GABBR2: variants seen among roughly 807,000 people sequenced by gnomAD.
The protein encoded by GABBR2 is G-protein coupled receptor 51.
Under a neutral mutation model 105.6 loss-of-function variants are expected in GABBR2, and 23 were observed. The observed-to-expected ratio is 0.22, with a 90% CI of 0.16 to 0.31. GABBR2 has a LOEUF of 0.31. Ranked by LOEUF, GABBR2 falls within the 10% of genes least tolerant of loss-of-function variation. GABBR2 has a pLI of 1.00. For missense variants in GABBR2, 734 were observed against 1,245.5 expected (o/e 0.59, Z 6.18); for synonymous variants, 478 against 499.7 (o/e 0.96, Z 0.58).
intron 6 of GABBR2, among the ~76,000 whole-genome samples, chr9:98,462,504 A>G (rs1158267066): frequency 1.3e-5 from 2 of 152,366 alleles, no homozygotes; most frequent in South Asian, 4.1e-4. Context: ...TGAATGGGCA[A>G]TTCACAAAAA....
chr9:98,591,176 G>A (rs75846681), intron 1 of GABBR2, among the ~76,000 whole-genome samples: 1,773 of 152,292 alleles, frequency 0.012, 18 homozygotes, highest in Non-Finnish European at 0.017. Context: ...TGGAGGAGGC[G>A]GCATTTGAGC....
At chr9:98,614,911 G>C (rs1185730158) in intron 1 of GABBR2, among the ~76,000 whole-genome samples, 4 of 152,132 alleles carry the variant, frequency 2.6e-5, no homozygotes, top group African/African-American at 4.8e-5. Context: ...TGATGCTATT[G>C]CCCAGAAACA....
chr9:98,508,078 C>T (rs752257855), intron 3 of GABBR2, among the ~76,000 whole-genome samples: 2 of 152,176 alleles, frequency 1.3e-5, no homozygotes, highest in African/African-American at 2.4e-5. Flanking sequence ...TTGTTCCAGA[C>T]TCGAGGGACC....
chr9:98,592,176 T>C (rs572055755), intron 1 of GABBR2, among the ~76,000 whole-genome samples: 2 of 152,280 alleles, frequency 1.3e-5, no homozygotes, highest in East Asian at 3.9e-4. Flanking sequence ...GAGACAGGCA[T>C]GGCCCCACCC....
chr9:98,647,168 C>G (rs79480445), intron 1 of GABBR2, among the ~76,000 whole-genome samples: 4,209 of 152,330 alleles, frequency 0.028, 64 homozygotes, highest in African/African-American at 0.034. Flanking sequence ...GGCACAGTCC[C>G]TGTGCTATAG....
At chr9:98,452,432 T>C (rs1826248485) in intron 7 of GABBR2, among the ~76,000 whole-genome samples, 1 of 152,238 alleles carries the variant, frequency 6.6e-6, no homozygotes, top group African/African-American at 2.4e-5. Flanking sequence ...AATTAAGAGC[T>C]AGACCAAAGT....
At chr9:98,303,194 G>C in intron 16 of GABBR2, 47 bp downstream of exon 16, 1 of 1,515,350 alleles carries the variant, frequency 6.6e-7, no homozygotes, top group African/African-American at 1.4e-5. Flanking sequence ...GGTTAGAGGG[G>C]CTTCAGTGGC....
chr9:98,512,537 G>C (rs1205182028), intron 3 of GABBR2, among the ~76,000 whole-genome samples: 2 of 152,158 alleles, frequency 1.3e-5, no homozygotes, highest in East Asian at 1.9e-4. Flanking sequence ...ATCTCAAGCT[G>C]ATCAGCAACT....
intron 1 of GABBR2, among the ~76,000 whole-genome samples, chr9:98,669,169 A>G (rs1830375795): frequency 6.6e-6 from 1 of 152,166 alleles, no homozygotes; most frequent in Non-Finnish European, 1.5e-5. Flanking sequence ...GCAATGCAGA[A>G]AGGTCCATTT....
At chr9:98,318,631 G>A (rs1290694130) in intron 13 of GABBR2, among the ~76,000 whole-genome samples, 1 of 152,098 alleles carries the variant, frequency 6.6e-6, no homozygotes. Context: ...CGGGTCACTC[G>A]GACCTTTTAT....
chr9:98,690,518 T>C (rs560196049), intron 1 of GABBR2, among the ~76,000 whole-genome samples: 16 of 152,252 alleles, frequency 1.1e-4, no homozygotes, highest in Admixed American at 5.2e-4. Flanking sequence ...AGAGAAGGAA[T>C]AGCCCGCCCT....
chr9:98,382,263 C>A (rs993701757), intron 11 of GABBR2, among the ~76,000 whole-genome samples: 1 of 152,154 alleles, frequency 6.6e-6, no homozygotes, highest in Non-Finnish European at 1.5e-5. Context: ...ACAAGGCAAG[C>A]CCCTTGCCTC....
intron 3 of GABBR2, among the ~76,000 whole-genome samples, chr9:98,512,191 T>C (rs1349110107): frequency 7.2e-6 from 1 of 139,428 alleles, no homozygotes; most frequent in African/African-American, 2.6e-5. Context: ...GAAAAGGCCT[T>C]TGACAAAATT....
intron 5 of GABBR2, 30 bp from the exon 6 acceptor site, chr9:98,473,376 T>C (rs760127651): frequency 1.7e-5 from 25 of 1,468,410 alleles, no homozygotes; most frequent in South Asian, 1.4e-4. Flanking sequence ...TATGAGGGCA[T>C]TGAGAGTCGC....
intron 13 of GABBR2, among the ~76,000 whole-genome samples, chr9:98,360,637 T>C (rs1253759833): frequency 6.6e-6 from 1 of 152,220 alleles, no homozygotes; most frequent in Non-Finnish European, 1.5e-5. Context: ...GCTAGGGTTC[T>C]ATGCACAGAG....
At chr9:98,511,013 C>T (rs1478422190) in intron 3 of GABBR2, among the ~76,000 whole-genome samples, 2 of 152,062 alleles carry the variant, frequency 1.3e-5, no homozygotes, top group African/African-American at 2.4e-5. Context: ...AAGTAAAGCA[C>T]TCCTCAGCAA....
At chr9:98,420,336 C>T (rs1832760511) in intron 7 of GABBR2, among the ~76,000 whole-genome samples, 1 of 152,204 alleles carries the variant, frequency 6.6e-6, no homozygotes, top group African/African-American at 2.4e-5. Flanking sequence ...CCAGCCTCAG[C>T]CGGCCTCGAC....
At chr9:98,298,426 C>G (rs750794750) in intron 17 of GABBR2, among the ~76,000 whole-genome samples, 3 of 152,200 alleles carry the variant, frequency 2.0e-5, no homozygotes, top group Non-Finnish European at 2.9e-5. Context: ...TCTCTGCACA[C>G]CTGGGAGTAT....
chr9:98,563,094 A>G (rs1311760973), intron 2 of GABBR2, among the ~76,000 whole-genome samples: 6 of 129,052 alleles, frequency 4.6e-5, no homozygotes, highest in South Asian at 2.5e-4. Context: ...AAAAAAAAAA[A>G]AGAGCAGCAA....
Sources: allele counts gnomAD v4.1 joint callset (sites outside exome capture counted in the v4.1 genomes callset), GRCh38; gene constraint gnomAD v4.1.1; transcripts MANE v1.5; gene names NCBI Gene and HGNC (gene_info 2026-07-23, HGNC 2026-07-21).